ANKRD55: variants seen among roughly 807,000 people sequenced by gnomAD.
ANKRD55 encodes ankyrin repeat domain 55.
Under a neutral mutation model 60.6 loss-of-function variants are expected in ANKRD55, and 41 were observed. The ratio of observed to expected loss-of-function variants is 0.68; its 90% CI spans 0.53 to 0.88. The LOEUF (loss-of-function observed/expected upper bound fraction) is 0.88, where lower values mean the gene tolerates loss of function less well. ANKRD55 is among the 40% of genes least tolerant of loss of function. The probability of loss-of-function intolerance (pLI) is 0.00; values close to 1 mark genes in which losing one functional copy is unlikely to be tolerated. For synonymous variants in ANKRD55, 264 were observed against 290.3 expected (o/e 0.91, Z 0.92); for missense variants, 732 against 767.6 (o/e 0.95, Z 0.55).
chr5:56,220,989 A>G (rs898110889), intron 2 of ANKRD55, among the ~76,000 whole-genome samples: 5 of 152,124 alleles, frequency 3.3e-5, no homozygotes, highest in African/African-American at 1.2e-4. Flanking sequence ...GCAACATATA[A>G]TTTGCTTCTA....
At chr5:56,195,081 T>C (rs893682634) in intron 2 of ANKRD55, among the ~76,000 whole-genome samples, 9 of 152,138 alleles carry the variant, frequency 5.9e-5, no homozygotes, top group Admixed American at 3.9e-4. Flanking sequence ...AAATGTGATA[T>C]ATTGAAAGAG....
chr5:56,170,581 A>G (rs1758587651), intron 5 of ANKRD55, 113 bp downstream of exon 5: 1 of 845,874 alleles, frequency 1.2e-6, no homozygotes, highest in Admixed American at 2.4e-5. Context: ...AAAAAAAAAA[A>G]AAGATGGTTT....
intron 6 of ANKRD55, among the ~76,000 whole-genome samples, chr5:56,158,323 T>A (rs992664642): frequency 6.6e-6 from 1 of 152,218 alleles, no homozygotes; most frequent in African/African-American, 2.4e-5. Flanking sequence ...TTTTTAATGT[T>A]ATCAGACTTT....
intron 2 of ANKRD55, among the ~76,000 whole-genome samples, chr5:56,204,289 G>A (rs921517955): frequency 2.0e-5 from 3 of 152,148 alleles, no homozygotes; most frequent in Admixed American, 1.3e-4. Context: ...TGTTCACTCT[G>A]ATGGTAGTTT....
intron 2 of ANKRD55, among the ~76,000 whole-genome samples, chr5:56,228,703 G>T (rs1391067170): frequency 6.6e-6 from 1 of 152,118 alleles, no homozygotes; most frequent in African/African-American, 2.4e-5. Flanking sequence ...GGGATTACAG[G>T]CATGAGCCAC....
chr5:56,208,304 AAGG>A (rs1759564280), intron 2 of ANKRD55, among the ~76,000 whole-genome samples: 2 of 152,282 alleles, frequency 1.3e-5, no homozygotes, highest in East Asian at 3.9e-4. Flanking sequence ...AAAAAAGTAA[AAGG>A]AGTATAAATA....
intron 6 of ANKRD55, among the ~76,000 whole-genome samples, chr5:56,154,227 T>C (rs954236269): frequency 4.3e-5 from 5 of 115,930 alleles, no homozygotes; most frequent in Non-Finnish European, 7.3e-5. Flanking sequence ...AAAAAAAAAG[T>C]TGCAGAACAC....
At chr5:56,225,461 A>G (rs1214403789) in intron 2 of ANKRD55, among the ~76,000 whole-genome samples, 1 of 152,210 alleles carries the variant, frequency 6.6e-6, no homozygotes, top group Non-Finnish European at 1.5e-5. Flanking sequence ...CCTATTCAAC[A>G]TAGTGTTGGA....
intron 2 of ANKRD55, among the ~76,000 whole-genome samples, chr5:56,205,555 G>A (rs1482366219): frequency 6.6e-6 from 1 of 152,206 alleles, no homozygotes; most frequent in African/African-American, 2.4e-5. Context: ...TGAGGAGACA[G>A]CTGTATTGAG....
chr5:56,121,728 C>G (rs904975045), intron 8 of ANKRD55, among the ~76,000 whole-genome samples: 1 of 152,088 alleles, frequency 6.6e-6, no homozygotes, highest in African/African-American at 2.4e-5. Context: ...GGAATGGGAG[C>G]CTTTCACTCA....
intron 2 of ANKRD55, among the ~76,000 whole-genome samples, chr5:56,208,851 C>T (rs924595010): frequency 6.6e-6 from 1 of 152,122 alleles, no homozygotes; most frequent in South Asian, 2.1e-4. Context: ...TGACAGAAAA[C>T]GTTCAGTTCC....
At chr5:56,135,281 TGC>T (rs1561263900) in intron 7 of ANKRD55, among the ~76,000 whole-genome samples, 5 of 47,242 alleles carry the variant, frequency 1.1e-4, no homozygotes, top group Non-Finnish European at 1.7e-4. Flanking sequence ...CCTCCCTCCC[TGC>T]CTGCCTGCTT....
chr5:56,184,422 A>C (rs368302364), intron 2 of ANKRD55, among the ~76,000 whole-genome samples: 1 of 152,100 alleles, frequency 6.6e-6, no homozygotes, highest in East Asian at 1.9e-4. Context: ...TCCCTAGTTC[A>C]TTCTTTCAGC....
chr5:56,193,191 T>C, intron 2 of ANKRD55: 1 of 799,068 alleles, frequency 1.3e-6, no homozygotes, highest in Non-Finnish European at 2.0e-6. Flanking sequence ...GGATATTTAC[T>C]AAGCAAAGAA....
intron 2 of ANKRD55, among the ~76,000 whole-genome samples, chr5:56,202,384 C>G (rs952442272): frequency 6.6e-6 from 1 of 151,966 alleles, no homozygotes; most frequent in East Asian, 1.9e-4. Context: ...TTGATAGGCA[C>G]TTGTGTCTCC....
chr5:56,181,483 T>C (rs1157429967), intron 3 of ANKRD55, among the ~76,000 whole-genome samples: 2 of 152,232 alleles, frequency 1.3e-5, no homozygotes, highest in African/African-American at 4.8e-5. Flanking sequence ...GTGATTTTTC[T>C]GCCTTAGTTG....
At chr5:56,169,741 T>C (rs1339047875) in intron 5 of ANKRD55, among the ~76,000 whole-genome samples, 1 of 152,138 alleles carries the variant, frequency 6.6e-6, no homozygotes, top group Non-Finnish European at 1.5e-5. Context: ...AGGTTTTAGT[T>C]CTGGACACAG....
chr5:56,178,034 A>T (rs1758774705), intron 3 of ANKRD55, among the ~76,000 whole-genome samples: 1 of 152,106 alleles, frequency 6.6e-6, no homozygotes. Flanking sequence ...CGTGTTTAAA[A>T]TTTGTCTCTT....
intron 6 of ANKRD55, among the ~76,000 whole-genome samples, chr5:56,159,214 C>G (rs1207609301): frequency 6.6e-6 from 1 of 152,210 alleles, no homozygotes; most frequent in East Asian, 1.9e-4. Context: ...GTAATCCCAG[C>G]ACTTTGGGAG....
Sources: gnomAD v4.1 joint callset for allele counts (sites outside exome capture counted in the v4.1 genomes callset) on GRCh38, gnomAD v4.1.1 for gene constraint, MANE v1.5 for transcripts, NCBI Gene and HGNC (gene_info 2026-07-23, HGNC 2026-07-21) for gene names.